Variants in ACTR3B observed in about 807,000 individuals in gnomAD.
The protein encoded by ACTR3B is actin-related protein 3B.
A neutral mutation model predicts 59.0 loss-of-function variants in ACTR3B; 8 were observed. The observed-to-expected ratio is 0.14, with a 90% CI of 0.08 to 0.24. The LOEUF is 0.24. Ranked by LOEUF, ACTR3B falls within the 10% of genes least tolerant of loss-of-function variation. ACTR3B has a pLI of 1.00. For synonymous variants in ACTR3B, 148 were observed against 197.9 expected, an observed-to-expected ratio of 0.75 and a Z score of 2.12; for missense variants, 245 against 552.3, an observed-to-expected ratio of 0.44 and a Z score of 5.58.
intron 1 of ACTR3B, among the ~76,000 whole-genome samples, chr7:152,774,071 A>G (rs2116551938): frequency 6.6e-6 from 1 of 152,280 alleles, no homozygotes; most frequent in Admixed American, 6.5e-5. Context: ...TTTCAGGGCC[A>G]AAATCTTGCT....
rs1590494464 is a variant in ACTR3B, at chr7:152,854,372, G to T, written c.1162-86G>T. ...GGAGGGAGGGTGGAGGCCGGGATGA[G>T]GAGAGTGTCTTGCCTGCTTGGTAGC... On this transcript the variant is annotated intron_variant, in intron 11 of 11. Coordinates refer to ENST00000256001, the MANE Select transcript of ACTR3B (RefSeq NM_020445.6). This position sits in a 1 kb window ranked among gnomAD's most constrained non-coding sequence, Gnocchi z 4.9. The T allele has an allele frequency of 1.9e-5, 23 of 1,238,496 alleles. No homozygotes were observed. The East Asian group carries it at 4.9e-4, about 26-fold the overall frequency. The allele number at this position is 1,238,496 out of a possible 1,614,324, so 76.7% of individuals were successfully genotyped here. A position where few individuals can be genotyped will look rare whatever the true frequency, so the allele number is the denominator to read the frequency against.
At chr7:152,829,236 C>T (rs1796833717) in intron 9 of ACTR3B, among the ~76,000 whole-genome samples, 1 of 152,104 alleles carries the variant, frequency 6.6e-6, no homozygotes. Context: ...TAAGATTCCT[C>T]TCAGCAGATT....
At chr7:152,763,313 C>CAAA (rs925259822) in intron 1 of ACTR3B, among the ~76,000 whole-genome samples, 8 of 20,490 alleles carry the variant, frequency 3.9e-4, no homozygotes, top group Non-Finnish European at 5.1e-4. Flanking sequence ...GACTCCATCT[C>CAAA]AAAAAAAAAA....
intron 1 of ACTR3B, among the ~76,000 whole-genome samples, chr7:152,760,449 T>A (rs1344211988): frequency 1.3e-5 from 2 of 152,000 alleles, no homozygotes; most frequent in Admixed American, 1.3e-4. Context: ...TGGCTGAGGA[T>A]TCTTTACCAC....
intron 1 of ACTR3B, among the ~76,000 whole-genome samples, chr7:152,780,240 A>G (rs867914641): frequency 2.6e-5 from 4 of 151,516 alleles, no homozygotes; most frequent in African/African-American, 9.7e-5. Context: ...AATTCCAGCT[A>G]CTGAGGAGGC....
chr7:152,819,442 C>T (rs1299598915), intron 6 of ACTR3B, among the ~76,000 whole-genome samples: 183 of 149,428 alleles, frequency 1.2e-3, no homozygotes, highest in African/African-American at 4.0e-3. Context: ...TCCACTCTGA[C>T]GGTCAGCATC....
chr7:152,764,487 C>A (rs893993715), intron 1 of ACTR3B, among the ~76,000 whole-genome samples: 1 of 150,910 alleles, frequency 6.6e-6, no homozygotes, highest in Non-Finnish European at 1.5e-5. Context: ...AAAAGAAATA[C>A]AAAAAAATTA....
At chr7:152,834,997 C>G (rs1797331200) in intron 9 of ACTR3B, among the ~76,000 whole-genome samples, 1 of 151,890 alleles carries the variant, frequency 6.6e-6, no homozygotes, top group Admixed American at 6.5e-5. Context: ...AGGAGATCTG[C>G]TGATTTCTCA....
intron 9 of ACTR3B, among the ~76,000 whole-genome samples, chr7:152,826,294 T>G (rs1796569372): frequency 6.6e-6 from 1 of 152,094 alleles, no homozygotes; most frequent in Non-Finnish European, 1.5e-5. Context: ...GTTTGCGTAT[T>G]TTTTGAATTA....
Position 152,803,816 on chromosome 7 carries a change from A to C in ACTR3B, c.336+2085A>C, listed in dbSNP as rs574107038. Among the ~76,000 whole-genome samples, 13 of 152,324 alleles carry C rather than the reference A, an allele frequency of 8.5e-5. No individual in the cohort carries two copies. In the East Asian group the frequency reaches 2.5e-3, roughly 29 times the overall value. On this transcript the variant is annotated intron_variant, in intron 4 of 11. Coordinates refer to ENST00000256001, the MANE Select transcript of ACTR3B (RefSeq NM_020445.6). ...CAGGTTTATTATTAAAAAGATAAGA[A>C]AATATCGTATTACATGTGTTGTGCT...
intron 1 of ACTR3B, among the ~76,000 whole-genome samples, chr7:152,770,176 A>C (rs1168868128): frequency 6.6e-6 from 1 of 152,054 alleles, no homozygotes; most frequent in Non-Finnish European, 1.5e-5. Context: ...AACCTCCTAA[A>C]AATGAACAAA....
intron 11 of ACTR3B, 73 bp downstream of exon 11, chr7:152,853,650 C>A: frequency 7.5e-7 from 1 of 1,333,834 alleles, no homozygotes; most frequent in Non-Finnish European, 1.1e-6. Flanking sequence ...ATACTGTCTA[C>A]GAAGGTGAAA....
chr7:152,769,574 G>A (rs547011205), intron 1 of ACTR3B, among the ~76,000 whole-genome samples: 4 of 152,180 alleles, frequency 2.6e-5, no homozygotes, highest in African/African-American at 9.6e-5. Flanking sequence ...TATACTCATA[G>A]ATAGGTGATT....
chr7:152,795,293 C>G (rs1219577324), intron 2 of ACTR3B, among the ~76,000 whole-genome samples: 1 of 152,202 alleles, frequency 6.6e-6, no homozygotes, highest in Non-Finnish European at 1.5e-5. Context: ...GTGATCTGCC[C>G]AACTTGGCCT....
chr7:152,835,810 A>G (rs1797406937), intron 9 of ACTR3B, among the ~76,000 whole-genome samples: 1 of 152,134 alleles, frequency 6.6e-6, no homozygotes, highest in Non-Finnish European at 1.5e-5. Flanking sequence ...AGTTATTTAT[A>G]CTTAATAGTT....
rs377449083 is a variant in ACTR3B at position 152,854,602 on chromosome 7, T to G, written c.*49T>G. On this transcript the variant is annotated 3_prime_UTR_variant, in exon 12 of 12. Coordinates refer to ENST00000256001, the MANE Select transcript of ACTR3B (RefSeq NM_020445.6). This position sits in a 1 kb window ranked among gnomAD's most constrained non-coding sequence, Gnocchi z 4.9. ...ATGGTGTCACGTTGGGGAACAAGTGTCCTTCAGAACCCAGAGAAGGCCGCC... is the reference window on the plus strand; with the variant it reads ...ATGGTGTCACGTTGGGGAACAAGTGGCCTTCAGAACCCAGAGAAGGCCGCC... 1 of 1,583,008 alleles carries G rather than the reference T, an allele frequency of 6.3e-7. No homozygotes were observed. The highest frequency in any genetic ancestry group is 8.7e-7 in the Non-Finnish European group (1 of 1,153,342).
Position 152,824,993 on chromosome 7 carries a change from A to C in ACTR3B, c.859-37A>C, listed in dbSNP as rs780802549. On this transcript the variant is annotated intron_variant, in intron 8 of 11. Coordinates refer to ENST00000256001, the MANE Select transcript of ACTR3B (RefSeq NM_020445.6). This position sits in a 1 kb window ranked among gnomAD's most constrained non-coding sequence, Gnocchi z 4.2. ...GTGCATGTTGTTCTATTTGAGAGAA[A>C]TGTGTAATGTTTCTTTTATATTGAT... The C allele has an allele frequency of 3.1e-6, 5 of 1,595,560 alleles. No homozygotes were observed. The highest frequency in any genetic ancestry group is 2.7e-5 in the African/African-American group (2 of 74,272).
intron 4 of ACTR3B, among the ~76,000 whole-genome samples, chr7:152,805,361 C>T (rs1402579175): frequency 1.3e-5 from 2 of 152,074 alleles, no homozygotes; most frequent in African/African-American, 2.4e-5. Flanking sequence ...CTGGGCTACA[C>T]AGGTAAAGAA....
At chr7:152,784,694 G>A (rs2689471) in intron 2 of ACTR3B, among the ~76,000 whole-genome samples, 1 of 152,140 alleles carries the variant, frequency 6.6e-6, no homozygotes, top group South Asian at 2.1e-4. Context: ...GTTGGTTTCC[G>A]GTGAGGCCTC....
Sources: gnomAD v4.1 joint callset for allele counts (sites outside exome capture counted in the v4.1 genomes callset) on GRCh38, gnomAD v4.1.1 for gene constraint, Gnocchi (gnomAD v3.1) non-coding constraint, MANE v1.5 for transcripts, NCBI Gene and HGNC (gene_info 2026-07-23, HGNC 2026-07-21) for gene names.